EDEM3: variants seen among roughly 807,000 people sequenced by gnomAD.
EDEM3 encodes ER degradation-enhancing alpha-mannosidase-like protein 3.
A neutral mutation model predicts 110.2 loss-of-function variants in EDEM3; 60 were observed. The observed-to-expected ratio is 0.54, with a 90% confidence interval of 0.44 to 0.67. The LOEUF (loss-of-function observed/expected upper bound fraction) is 0.67. EDEM3 is among the 30% of genes least tolerant of loss of function. EDEM3 has a pLI of 0.00. For missense variants in EDEM3, 996 were observed against 1,121.0 expected, an observed-to-expected ratio of 0.89 and a Z score of 1.59; for synonymous variants, 352 against 382.9, an observed-to-expected ratio of 0.92 and a Z score of 0.94.
intron 6 of EDEM3, 186 bp downstream of exon 6, chr1:184,732,651 T>C: frequency 3.3e-6 from 2 of 606,172 alleles, no homozygotes; most frequent in South Asian, 2.8e-5. Context: ...TAAACTAATC[T>C]AATTATCACA....
At position 184,734,572 on chromosome 1, in the gene EDEM3, A is replaced by G; in HGVS notation, c.417T>C (p.Asp139=). Residue 139 remains aspartate (D), a synonymous_variant, in exon 5 of 20, where the codon GAT becomes GAC. Transcript: ENST00000318130. ...TTGTTTCAAAGACTGATACGACTACATCGTTATCTAAATTAACATCTCTTA... is the reference window on the plus strand; with the variant it reads ...TTGTTTCAAAGACTGATACGACTACGTCGTTATCTAAATTAACATCTCTTA... ...KVLRDVNLDN[D]VVVSVFETNI... The G allele has an allele frequency of 6.4e-7, 1 of 1,556,454 alleles. No individual in the cohort carries two copies. The highest frequency in any genetic ancestry group is 8.7e-7 in the Non-Finnish European group (1 of 1,148,842).
chr1:184,711,622 A>G, intron 15 of EDEM3, 101 bp downstream of exon 15: 1 of 1,092,120 alleles, frequency 9.2e-7, no homozygotes, highest in Non-Finnish European at 1.2e-6. Flanking sequence ...TTTTCGGCCT[A>G]TGTGAATGTC....
chr1:184,744,381 C>A (rs369299389), intron 2 of EDEM3, among the ~76,000 whole-genome samples: 44 of 150,242 alleles, frequency 2.9e-4, no homozygotes, highest in Middle Eastern at 3.4e-3. Context: ...TACCACTATA[C>A]ACCCAACAGA....
rs1280513344 is a variant in EDEM3 at position 184,691,531 on chromosome 1, G to A, written c.*2532C>T. 1 of 151,872 alleles carries A rather than the reference G, an allele frequency of 6.6e-6. No homozygotes were observed. Among genetic ancestry groups the A allele is most frequent in the African/African-American group, 2.4e-5 (1 of 41,216 alleles). The allele number at this position is 151,872 out of a possible 1,614,324, so 9.4% of individuals were successfully genotyped here. A position where few individuals can be genotyped will look rare whatever the true frequency, so the allele number is the denominator to read the frequency against. On this transcript the variant is annotated 3_prime_UTR_variant, in exon 20 of 20. Transcript: ENST00000318130. The stretch of plus-strand genomic sequence containing the variant: ...GTCAACATTTAACTGAGGTAGACCA[G>A]ATGTTTCTAAATTCGGGGTTTCATA...
intron 5 of EDEM3, 53 bp downstream of exon 5, chr1:184,734,478 A>G (rs1035595488): frequency 9.9e-6 from 7 of 703,976 alleles, no homozygotes; most frequent in Non-Finnish European, 1.4e-5. Context: ...AAAAATATAT[A>G]TAAATAAATA....
chr1:184,716,816 C>T, intron 13 of EDEM3, 72 bp downstream of exon 13: 1 of 1,570,054 alleles, frequency 6.4e-7, no homozygotes, highest in Middle Eastern at 1.7e-4. Flanking sequence ...TTATTTGAAT[C>T]CTAAATGGTA....
At position 184,754,778 on chromosome 1, in the gene EDEM3, C is replaced by A. The variant is rs141778571; in HGVS notation, c.-132G>T. 8,393 of 1,351,456 alleles carry A rather than the reference C, an allele frequency of 6.2e-3. 39 individuals are homozygous for A. The highest frequency in any genetic ancestry group is 0.016 in the Middle Eastern group (58 of 3,700). The allele number at this position is 1,351,456 out of a possible 1,614,324, so 83.7% of individuals were successfully genotyped here. A position where few individuals can be genotyped will look rare whatever the true frequency, so the allele number is the denominator to read the frequency against. Reference sequence around the variant, plus strand: ...GCGGAGTAACACGGACGGCCGCCGGCGCCAAACTGTTTCCCGAAGCCACCA... The same window carrying A: ...GCGGAGTAACACGGACGGCCGCCGGAGCCAAACTGTTTCCCGAAGCCACCA... On this transcript the variant is annotated 5_prime_UTR_variant, in exon 1 of 20. Transcript: ENST00000318130.
chr1:184,708,246 T>C lies in EDEM3; in HGVS notation c.1944A>G (p.Arg648=). The C allele has an allele frequency of 6.2e-7, 1 of 1,613,732 alleles. No individual in the cohort carries two copies. The change falls in exon 17 of 20, where the codon CGA becomes CGG. Residue 648 remains arginine (R), a synonymous_variant. Transcript: ENST00000318130. ...ATGGGTGGGAAACAATTTGTACAGC[T>C]CGTGGAGGCAGCTGCTGTTCTTTTT... is the stretch of plus-strand genomic sequence containing the variant. ...QQQKEQQLPP[R]AVQIVSHPFF... is the part of the protein sequence containing the mutation.
chr1:184,735,388 AAG>A (rs1651766402), intron 4 of EDEM3, among the ~76,000 whole-genome samples: 1 of 152,194 alleles, frequency 6.6e-6, no homozygotes, highest in Non-Finnish European at 1.5e-5. Context: ...TGACTAAACT[AAG>A]AATTTTGTAG....
intron 13 of EDEM3, 147 bp from the exon 14 acceptor site, chr1:184,712,745 C>T (rs1650324603): frequency 3.7e-6 from 2 of 539,588 alleles, no homozygotes; most frequent in East Asian, 6.7e-5. Flanking sequence ...CTACCAGGGG[C>T]AGAATAACCT....
chr1:184,729,303 T>C (rs1651368053), intron 6 of EDEM3, among the ~76,000 whole-genome samples: 1 of 152,186 alleles, frequency 6.6e-6, no homozygotes, highest in African/African-American at 2.4e-5. Flanking sequence ...AGTAAAGGCA[T>C]AAATTACCTA....
At chr1:184,694,651 T>C (rs1405083893) in intron 19 of EDEM3, among the ~76,000 whole-genome samples, 179 bp from the exon 20 acceptor site, 1 of 152,116 alleles carries the variant, frequency 6.6e-6, no homozygotes, top group Non-Finnish European at 1.5e-5. Flanking sequence ...CACATTTTCC[T>C]ATAGATTCAC....
At chr1:184,746,116 T>C (rs1247093619) in intron 2 of EDEM3, among the ~76,000 whole-genome samples, 2 of 152,210 alleles carry the variant, frequency 1.3e-5, no homozygotes, top group Non-Finnish European at 2.9e-5. Context: ...GCAGACTGAC[T>C]GGGGCTAGAC....
intron 13 of EDEM3, among the ~76,000 whole-genome samples, chr1:184,713,383 C>T (rs1222310288): frequency 6.6e-6 from 1 of 152,120 alleles, no homozygotes; most frequent in Non-Finnish European, 1.5e-5. Context: ...GAAATAAAGA[C>T]AGTAAAACTA....
intron 2 of EDEM3, among the ~76,000 whole-genome samples, chr1:184,747,984 T>C (rs1409644835): frequency 6.6e-6 from 1 of 152,208 alleles, no homozygotes; most frequent in East Asian, 1.9e-4. Context: ...CATTCATCAG[T>C]ACGCATTTAT....
chr1:184,691,714 G>A lies in EDEM3; in HGVS notation c.*2349C>T, dbSNP rs1268732060. On this transcript the variant is annotated 3_prime_UTR_variant, in exon 20 of 20. Coordinates refer to ENST00000318130, the MANE Select transcript of EDEM3 (RefSeq NM_025191.4). ...TGTCAAGTAAGTAAATGAATGTAGA[G>A]TTGTAATTACAACGTTGGAGTTTTT... 1 of 151,742 alleles carries A rather than the reference G, an allele frequency of 6.6e-6. No individual in the cohort carries two copies. The highest frequency in any genetic ancestry group is 1.5e-5 in the Non-Finnish European group (1 of 67,942). 9.4% of individuals were successfully genotyped at this position (151,742 alleles called of 1,614,324 possible).
chr1:184,712,266 TA>T (rs1650290643), intron 14 of EDEM3, among the ~76,000 whole-genome samples, 166 bp downstream of exon 14: 1 of 152,110 alleles, frequency 6.6e-6, no homozygotes, highest in African/African-American at 2.4e-5. Flanking sequence ...TAATGAAATA[TA>T]TAAGTGTATA....
intron 19 of EDEM3, among the ~76,000 whole-genome samples, chr1:184,699,160 G>GA (rs1649480758): frequency 6.6e-6 from 1 of 151,826 alleles, no homozygotes; most frequent in Non-Finnish European, 1.5e-5. Context: ...CAAAGACTTA[G>GA]AGATTGGATG....
chr1:184,710,594 ATTGGC>A (rs1347333040), intron 15 of EDEM3, 47 bp from the exon 16 acceptor site: 1 of 1,532,032 alleles, frequency 6.5e-7, no homozygotes, highest in Admixed American at 2.1e-5. Flanking sequence ...ATAAATTAGA[ATTGGC>A]AAAAAACACA....
Sources: allele counts gnomAD v4.1 joint callset (sites outside exome capture counted in the v4.1 genomes callset), GRCh38; gene constraint gnomAD v4.1.1; transcripts MANE v1.5; gene names NCBI Gene and HGNC (gene_info 2026-07-23, HGNC 2026-07-21).